Variants in NCOA1 observed in about 807,000 individuals in gnomAD.
NCOA1 encodes Hin-2 protein.
NCOA1 carries 35 observed loss-of-function variants against 150.9 expected under a neutral mutation model. The ratio of observed to expected loss-of-function variants is 0.23; its 90% CI spans 0.18 to 0.31. The LOEUF (loss-of-function observed/expected upper bound fraction) is 0.31, where lower values mean the gene tolerates loss of function less well. NCOA1 is among the 10% of genes least tolerant of loss of function. The probability of loss-of-function intolerance (pLI) is 1.00; values close to 1 mark genes in which losing one functional copy is unlikely to be tolerated. For synonymous variants in NCOA1, 590 were observed against 630.0 expected (o/e 0.94, Z 0.95); for missense variants, 1,491 against 1,749.3 (o/e 0.85, Z 2.63).
rs193087337 is a variant in NCOA1 at position 24,504,126 on chromosome 2, C to T, written c.-396+12524C>T. Among the ~76,000 whole-genome samples, 946 of 152,244 alleles carry T rather than the reference C, an allele frequency of 6.2e-3. 13 individuals carry two copies. The highest frequency in any genetic ancestry group is 0.021 in the African/African-American group (865 of 41,534). On this transcript the variant is annotated intron_variant, in intron 1 of 22. Transcript: ENST00000348332. Reference sequence around the variant, plus strand: ...ACCACAGTGCTTTCATAATGCTCTACCCACAGTATACATACATAAGTTTGT... The same window carrying T: ...ACCACAGTGCTTTCATAATGCTCTATCCACAGTATACATACATAAGTTTGT...
At chr2:24,720,468 G>C (rs1248464236) in intron 14 of NCOA1, among the ~76,000 whole-genome samples, 1 of 152,164 alleles carries the variant, frequency 6.6e-6, no homozygotes, top group African/African-American at 2.4e-5. Context: ...CCGGAGTACA[G>C]CTCCATAAGT....
chr2:24,560,627 C>T (rs900575537), intron 1 of NCOA1, among the ~76,000 whole-genome samples: 16 of 152,166 alleles, frequency 1.1e-4, no homozygotes, highest in African/African-American at 3.9e-4. Flanking sequence ...GCTATTTCCT[C>T]CATGAAGCCT....
At position 24,739,685 on chromosome 2, in the gene NCOA1, C is replaced by G. The variant is rs1198684709; in HGVS notation, c.3303+152C>G. ...TCTTTGAGAATGAATTAATAATCTA[C>G]TTTTGATACCTCTTACTGATATTTG... On this transcript the variant is annotated intron_variant, in intron 18 of 22. Coordinates refer to ENST00000348332, the MANE Select transcript of NCOA1 (RefSeq NM_003743.5). 3 of 547,210 alleles carry G rather than the reference C, an allele frequency of 5.5e-6. No homozygotes were observed. In the East Asian group the frequency reaches 8.8e-5, roughly 16 times the overall value. 33.9% of individuals were successfully genotyped at this position (547,210 alleles called of 1,614,324 possible). A position where few individuals can be genotyped will look rare whatever the true frequency, so the allele number is the denominator to read the frequency against.
chr2:24,760,306 A>ATTTTTTTTTTTTTTTTTTT (rs70947842), intron 21 of NCOA1, among the ~76,000 whole-genome samples: 1 of 99,740 alleles, frequency 1.0e-5, no homozygotes. Flanking sequence ...TGCCCGGCTA[A>ATTTTTTTTTTTTTTTTTTT]TTTTTTTTTT....
chr2:24,654,884 T>C (rs1670860725), intron 4 of NCOA1, among the ~76,000 whole-genome samples: 1 of 152,148 alleles, frequency 6.6e-6, no homozygotes, highest in African/African-American at 2.4e-5. Flanking sequence ...CTCTTGGCTG[T>C]CTCTCCCTTA....
intron 14 of NCOA1, among the ~76,000 whole-genome samples, chr2:24,723,869 C>G (rs765328701): frequency 6.6e-6 from 1 of 152,066 alleles, no homozygotes; most frequent in Non-Finnish European, 1.5e-5. Flanking sequence ...CCAGAAACTT[C>G]CTTAACAACA....
chr2:24,762,053 T>TG (rs1472839998), intron 21 of NCOA1, among the ~76,000 whole-genome samples: 1 of 152,248 alleles, frequency 6.6e-6, no homozygotes, highest in Non-Finnish European at 1.5e-5. Context: ...TATTCTGCTC[T>TG]GAGGATTCTA....
Position 24,707,458 on chromosome 2 carries a change from C to G in NCOA1, c.1988C>G (p.Thr663Ser). The G allele has an allele frequency of 6.2e-7, 1 of 1,614,246 alleles. No homozygotes were observed. ...SCKDVLSCTG[T>S]SNSASANSSG... is the part of the protein sequence containing the mutation. ...AAAGATGTCCTGTCTTGCACAGGCA[C>G]TTCCAACTCTGCCTCTGCTAACTCT... The change falls in exon 13 of 23, where the codon ACT (threonine) becomes AGT (serine). Residue 663 changes from threonine (T) to serine (S), a missense_variant. This residue lies in a region of NCOA1 where 703 missense variants were observed against 717.7 expected (regional missense o/e 0.98). Coordinates refer to ENST00000348332, the MANE Select transcript of NCOA1 (RefSeq NM_003743.5).
At chr2:24,763,464 C>T (rs1664886324) in intron 22 of NCOA1, among the ~76,000 whole-genome samples, 1 of 145,810 alleles carries the variant, frequency 6.9e-6, no homozygotes, top group African/African-American at 2.5e-5. Context: ...GCATGAACCC[C>T]GGGGGGCGGA....
At chr2:24,658,964 A>C in intron 5 of NCOA1, 198 bp downstream of exon 5, 1 of 552,758 alleles carries the variant, frequency 1.8e-6, no homozygotes, top group Non-Finnish European at 3.2e-6. Flanking sequence ...GATTTCCTTT[A>C]GTTAACACCT....
Position 24,542,878 on chromosome 2 carries a change from T to TA in NCOA1, c.-395-21416dup, listed in dbSNP as rs1398426350. Among the ~76,000 whole-genome samples the TA allele has an allele frequency of 5.3e-5, 8 of 152,336 alleles. No individual in the cohort carries two copies. The South Asian group carries it at 1.5e-3, about 28-fold the overall frequency. Reference sequence around the variant, plus strand: ...TTTAACAGATTAATATTAAACTTTGTACCTTACAAGGGGATTTTATTTTGA... The same window carrying TA: ...TTTAACAGATTAATATTAAACTTTGTAACCTTACAAGGGGATTTTATTTTGA... On this transcript the variant is annotated intron_variant, in intron 1 of 22. Coordinates refer to ENST00000348332, the MANE Select transcript of NCOA1 (RefSeq NM_003743.5).
rs1662811262 is a variant in NCOA1, at chr2:24,728,462, G to A, written c.2872G>A (p.Asp958Asn). 1.2e-6 allele frequency: 2 copies of A among 1,612,042 alleles called. No individual in the cohort carries two copies. The highest frequency in any genetic ancestry group is 1.7e-6 in the Non-Finnish European group (2 of 1,179,270). ...TGAACTAGACAGAGCTCTGGGAATT[G>A]ACAAACTTGTTCAGGTATTTATTAA... is the stretch of plus-strand genomic sequence containing the variant. The part of the protein sequence containing the change: ...LAELDRALGI[D>N]KLVQGGGLDV... Residue 958 changes from aspartate to asparagine, a missense_variant, in exon 16 of 23, where the codon GAC becomes AAC. Asp to Asn is a conservative substitution (Grantham distance 23). Coordinates refer to ENST00000348332, the MANE Select transcript of NCOA1 (RefSeq NM_003743.5).
At chr2:24,627,466 C>A (rs571934477) in intron 3 of NCOA1, among the ~76,000 whole-genome samples, 3 of 152,116 alleles carry the variant, frequency 2.0e-5, no homozygotes, top group Non-Finnish European at 4.4e-5. Context: ...GTAAGACTGT[C>A]GTTGTCAGTT....
intron 11 of NCOA1, among the ~76,000 whole-genome samples, chr2:24,699,721 G>C (rs775248127): frequency 6.6e-6 from 1 of 152,160 alleles, no homozygotes; most frequent in African/African-American, 2.4e-5. Flanking sequence ...CTATTCAGCA[G>C]TATCTAGCCA....
At chr2:24,616,470 T>C (rs1259488626) in intron 3 of NCOA1, among the ~76,000 whole-genome samples, 2 of 152,124 alleles carry the variant, frequency 1.3e-5, no homozygotes, top group East Asian at 3.8e-4. Context: ...AGGGAATGAA[T>C]AAAGAATTTC....
intron 1 of NCOA1, among the ~76,000 whole-genome samples, chr2:24,525,214 CACTT>C (rs940866320): frequency 2.6e-5 from 4 of 152,206 alleles, no homozygotes; most frequent in Admixed American, 2.6e-4. Flanking sequence ...AATGACCTCT[CACTT>C]ACTTGCTCTG....
intron 3 of NCOA1, among the ~76,000 whole-genome samples, chr2:24,608,246 C>CTATTTAT (rs1380209464): frequency 1.5e-5 from 2 of 131,884 alleles, no homozygotes; most frequent in Admixed American, 1.5e-4. Context: ...CCCAGTTCCC[C>CTATTTAT]TATTATTATT....
intron 3 of NCOA1, among the ~76,000 whole-genome samples, chr2:24,637,071 T>A (rs977109101): frequency 5.9e-5 from 9 of 151,778 alleles, no homozygotes; most frequent in Non-Finnish European, 8.8e-5. Flanking sequence ...TGAGATTTTT[T>A]AAAATCTTTT....
At chr2:24,592,475 C>CT (rs1200423060) in intron 3 of NCOA1, among the ~76,000 whole-genome samples, 1 of 151,908 alleles carries the variant, frequency 6.6e-6, no homozygotes, top group East Asian at 1.9e-4. Context: ...AAGTTATCAT[C>CT]TTGAAGCCTT....
Sources: gnomAD v4.1 joint callset for allele counts (sites outside exome capture counted in the v4.1 genomes callset) on GRCh38, gnomAD v4.1.1 for gene constraint, gnomAD v4.1.1 regional missense constraint, MANE v1.5 for transcripts, NCBI Gene and HGNC (gene_info 2026-07-23, HGNC 2026-07-21) for gene names.